TCIRG1: variants seen among roughly 807,000 people sequenced by gnomAD.
TCIRG1 encodes V-type proton ATPase 116 kDa subunit a 3.
A neutral mutation model predicts 95.5 loss-of-function variants in TCIRG1; 86 were observed. The observed-to-expected ratio is 0.90, with a 90% CI of 0.76 to 1.08. The LOEUF (loss-of-function observed/expected upper bound fraction) is 1.08, where lower values mean the gene tolerates loss of function less well. TCIRG1 is among the 50% of genes least tolerant of loss of function. TCIRG1 has a pLI of 0.00. For synonymous variants in TCIRG1, 499 were observed against 501.3 expected (o/e 1.00, Z 0.06); for missense variants, 1,069 against 1,140.2 (o/e 0.94, Z 0.90).
intron 1 of TCIRG1, 117 bp from the exon 2 acceptor site, chr11:68,041,151 A>T: frequency 2.6e-6 from 2 of 773,974 alleles, no homozygotes; most frequent in South Asian, 2.8e-5. Flanking sequence ...CACCTCTGTC[A>T]GATGGGGGTG....
At position 68,042,863 on chromosome 11, in the gene TCIRG1, G is replaced by A. The variant is rs1855241598; in HGVS notation, c.417G>A (p.Gln139=). ...AAVLRQGHEP[Q]LAAAHTDGAS... ...TGCTACGCCAGGGCCATGAACCTCA[G>A]GTCAGCTCCCACCCAGGCAGGAGAC... The change falls in exon 4 of 20, where the codon CAG becomes CAA. Residue 139 remains glutamine, a splice_region_variant and synonymous_variant. Coordinates refer to ENST00000265686, the MANE Select transcript of TCIRG1 (RefSeq NM_006019.4). 1.3e-6 allele frequency: 2 copies of A among 1,549,888 alleles called. No homozygotes were observed. Among genetic ancestry groups the A allele is most frequent in the Non-Finnish European group, 1.7e-6 (2 of 1,146,676 alleles).
chr11:68,049,384 G>A (rs538810893), intron 15 of TCIRG1, 90 bp downstream of exon 15: 45 of 1,359,094 alleles, frequency 3.3e-5, no homozygotes, highest in African/African-American at 4.3e-5. Context: ...ATCCTCGTCC[G>A]AGAAACGGGG....
At position 68,050,054 on chromosome 11, in the gene TCIRG1, AGAG is replaced by A. The variant is rs1565164141; in HGVS notation, c.2111_2113del (p.Glu704del). ...AAAAGGCAGGGGGCCTGGATGATGAAGAGGAGGCCGAGGTGGGTGCAGTGCCTT... is the reference window on the plus strand; with the variant it reads ...AAAAGGCAGGGGGCCTGGATGATGAAGAGGCCGAGGTGGGTGCAGTGCCTT... On this transcript the variant is annotated inframe_deletion, in exon 17 of 20. Coordinates refer to ENST00000265686, the MANE Select transcript of TCIRG1 (RefSeq NM_006019.4). 1.2e-6 allele frequency: 2 copies of A among 1,613,334 alleles called. No homozygotes were observed. Among genetic ancestry groups the A allele is most frequent in the African/African-American group, 1.3e-5 (1 of 75,042 alleles).
Position 68,048,073 on chromosome 11 carries a change from C to T in TCIRG1, c.1554+101C>T, listed in dbSNP as rs563566070. On this transcript the variant is annotated intron_variant, in intron 13 of 19. Transcript: ENST00000265686. ...CGTCCTGCAGCGCTGTCGCTGAGCACTCCTGTGTGCCAGGCCCTTTCCTCA... is the reference window on the plus strand; with the variant it reads ...CGTCCTGCAGCGCTGTCGCTGAGCATTCCTGTGTGCCAGGCCCTTTCCTCA... 1.5e-5 allele frequency: 15 copies of T among 1,030,022 alleles called. No individual in the cohort carries two copies. In the South Asian group the frequency reaches 2.0e-4, roughly 13 times the overall value. 63.8% of individuals were successfully genotyped at this position (1,030,022 alleles called of 1,614,324 possible).
At chr11:68,040,292 G>A (rs1855095123) in intron 1 of TCIRG1, among the ~76,000 whole-genome samples, 2 of 152,224 alleles carry the variant, frequency 1.3e-5, no homozygotes, top group Non-Finnish European at 2.9e-5. Flanking sequence ...CCTCTGCCCT[G>A]TGGCCGGGCC....
intron 1 of TCIRG1, chr11:68,039,990 C>T (rs907243414): frequency 2.0e-5 from 3 of 152,354 alleles, no homozygotes; most frequent in African/African-American, 7.2e-5. Flanking sequence ...TCTGAGCTCA[C>T]CCTTTGTGCT....
At position 68,050,202 on chromosome 11, in the gene TCIRG1, C is replaced by G. The variant is rs753609986; in HGVS notation, c.2184C>G (p.Val728=). The G allele has an allele frequency of 6.2e-7, 1 of 1,613,520 alleles. No individual in the cohort carries two copies. Among genetic ancestry groups the G allele is most frequent in the African/African-American group, 1.3e-5 (1 of 74,932 alleles). The change falls in exon 18 of 20, where the codon GTC becomes GTG. Residue 728 remains valine (V), a synonymous_variant. Transcript: ENST00000265686. ...IHTIEFCLGC[V]SNTASYLRLW... is the part of the protein sequence containing the mutation. ...CCATCGAGTTCTGCCTGGGCTGCGTCTCCAACACCGCCTCCTACCTGCGCC... is the reference window on the plus strand; with the variant it reads ...CCATCGAGTTCTGCCTGGGCTGCGTGTCCAACACCGCCTCCTACCTGCGCC...
In TCIRG1 at chr11:68,044,080, C is replaced by T. The variant is rs1354219357; in HGVS notation, c.808-52C>T. The T allele has an allele frequency of 2.0e-6, 3 of 1,500,426 alleles. No individual in the cohort carries two copies. In the African/African-American group the frequency reaches 4.2e-5, roughly 21 times the overall value. 92.9% of individuals were successfully genotyped at this position (1,500,426 alleles called of 1,614,324 possible). On this transcript the variant is annotated intron_variant, in intron 8 of 19. Coordinates refer to ENST00000265686, the MANE Select transcript of TCIRG1 (RefSeq NM_006019.4). ...GTGCAGGAGGTGGGTGCCCCCGGCC[C>T]AGCCACCCCACCTGCCTGCCCAGCC...
intron 7 of TCIRG1, 24 bp downstream of exon 7, chr11:68,043,677 C>T (rs1436829042): frequency 6.3e-7 from 1 of 1,584,932 alleles, no homozygotes; most frequent in Non-Finnish European, 8.6e-7. Flanking sequence ...AACACCCGCC[C>T]CACCGCCCTG....
rs200633409 is a variant in TCIRG1, at chr11:68,047,547, C to T, written c.1280C>T (p.Pro427Leu). 2.9e-5 allele frequency: 47 copies of T among 1,613,768 alleles called. No homozygotes were observed. The highest frequency in any genetic ancestry group is 1.7e-4 in the Middle Eastern group (1 of 6,060). Reference protein sequence around the residue: ...ALAMVLAENRPAVKAAQNEIW... With the variant: ...ALAMVLAENRLAVKAAQNEIW... The stretch of plus-strand genomic sequence containing the variant: ...GCCATGGTCCTTGCGGAGAACCGAC[C>T]GGCTGTGAAGGCCGCGCAGAACGAG... Residue 427 changes from proline to leucine, a missense_variant, in exon 11 of 20, where the codon CCG becomes CTG. Transcript: ENST00000265686.
chr11:68,047,682 C>G lies in TCIRG1; in HGVS notation c.1341C>G (p.Leu447=). ...WQTFFRGRYL[L]LLMGLFSIYT... ...CTTTCTTCAGGGGCCGCTACCTGCTCCTGCTTATGGGCCTGTTCTCCATCT... is the reference window on the plus strand; with the variant it reads ...CTTTCTTCAGGGGCCGCTACCTGCTGCTGCTTATGGGCCTGTTCTCCATCT... The change falls in exon 12 of 20, where the codon CTC becomes CTG. Residue 447 remains leucine (L), a synonymous_variant. Coordinates refer to ENST00000265686, the MANE Select transcript of TCIRG1 (RefSeq NM_006019.4). 2 of 1,612,632 alleles carry G rather than the reference C, an allele frequency of 1.2e-6. No individual in the cohort carries two copies. Among genetic ancestry groups the G allele is most frequent in the Non-Finnish European group, 8.5e-7 (1 of 1,179,720 alleles).
At chr11:68,046,886 G>C (rs1381214754) in intron 10 of TCIRG1, 3 of 456,290 alleles carry the variant, frequency 6.6e-6, no homozygotes, top group Non-Finnish European at 1.3e-5. Flanking sequence ...GCTGGCCCGT[G>C]CTGCCCGTGG....
At chr11:68,040,274 T>C (rs1565151745) in intron 1 of TCIRG1, among the ~76,000 whole-genome samples, 1 of 152,228 alleles carries the variant, frequency 6.6e-6, no homozygotes, top group East Asian at 1.9e-4. Context: ...CAGCCTGGGC[T>C]CCAAGTCCCT....
At position 68,049,784 on chromosome 11, in the gene TCIRG1, G is replaced by C. The variant is rs753385752; in HGVS notation, c.2009G>C (p.Arg670Pro). The C allele has an allele frequency of 6.4e-7, 1 of 1,569,340 alleles. No homozygotes were observed. Among genetic ancestry groups the C allele is most frequent in the East Asian group, 2.3e-5 (1 of 43,754 alleles). ...CGCCTGCGGAGGAGGCCCGCTGACC[G>C]ACAGGTGGGACCGGGGCCTAAGGTG... ...RRRLRRRPAD[R>P]QEENKAGLLD... Residue 670 changes from arginine to proline, a missense_variant, in exon 16 of 20, where the codon CGA (arginine) becomes CCA (proline). Transcript: ENST00000265686.
chr11:68,051,790 G>A (rs956265502), downstream of TCIRG1, among the ~76,000 whole-genome samples: 5 of 152,226 alleles, frequency 3.3e-5, no homozygotes, highest in Admixed American at 2.0e-4. Context: ...GGTGGATCTG[G>A]ACCAAATCCA....
At chr11:68,042,915 C>T in intron 4 of TCIRG1, 31 bp from the exon 5 acceptor site, 1 of 1,550,638 alleles carries the variant, frequency 6.4e-7, no homozygotes, top group Non-Finnish European at 8.7e-7. Context: ...GGCTGTCCAG[C>T]CTAGGGCTCA....
At chr11:68,041,485 C>G in intron 2 of TCIRG1, 97 bp downstream of exon 2, 1 of 965,970 alleles carries the variant, frequency 1.0e-6, no homozygotes, top group South Asian at 1.4e-5. Flanking sequence ...CCATAGGGCC[C>G]TGGCCCCATT....
chr11:68,050,745 G>A lies in TCIRG1; in HGVS notation c.2419G>A (p.Glu807Lys), dbSNP rs1057100315. ...FLHALRLHWV[E>K]FQNKFYSGTG... ...CCCTCTGCTTCTCACCCCCAGGGTG[G>A]AATTCCAGAACAAGTTCTACTCAGG... Residue 807 changes from glutamate to lysine, a missense_variant, in exon 20 of 20, where the codon GAA (glutamate) becomes AAA (lysine). Transcript: ENST00000265686. 1 of 1,613,934 alleles carries A rather than the reference G, an allele frequency of 6.2e-7. No homozygotes were observed. Among genetic ancestry groups the A allele is most frequent in the African/African-American group, 1.3e-5 (1 of 75,054 alleles).
In TCIRG1 at chr11:68,048,951, G is replaced by A. The variant is rs763319140; in HGVS notation, c.1627G>A (p.Val543Ile). 23 of 1,613,626 alleles carry A rather than the reference G, an allele frequency of 1.4e-5. No homozygotes were observed. The highest frequency in any genetic ancestry group is 9.3e-5 in the African/African-American group (7 of 74,948). ...GATGAAGATGTCCGTCATCCTGGGC[G>A]TCGTGCACATGGCCTTTGGGGTGGT... ...FKMKMSVILG[V>I]VHMAFGVVLG... The change falls in exon 14 of 20, where the codon GTC (valine) becomes ATC (isoleucine). Residue 543 changes from valine (V) to isoleucine (I), a missense_variant. Physicochemically the swap from Val to Ile is conservative, Grantham distance 29. Transcript: ENST00000265686.
Sources: allele counts gnomAD v4.1 joint callset (sites outside exome capture counted in the v4.1 genomes callset), GRCh38; gene constraint gnomAD v4.1.1; transcripts MANE v1.5; gene names NCBI Gene and HGNC (gene_info 2026-07-23, HGNC 2026-07-21).